UTRN: variants seen among roughly 807,000 people sequenced by gnomAD.
UTRN encodes the protein dystrophin-related protein 1.
UTRN carries 283 observed loss-of-function variants against 463.9 expected under a neutral mutation model. The observed-to-expected ratio is 0.61, with a 90% confidence interval of 0.55 to 0.67. The LOEUF is 0.67. Ranked by LOEUF, UTRN falls within the 30% of genes least tolerant of loss-of-function variation. The pLI is 0.00. For missense variants in UTRN, 3,922 were observed against 4,084.3 expected (o/e 0.96, Z 1.08); for synonymous variants, 1,442 against 1,431.5 (o/e 1.01, Z -0.17).
chr6:144,607,287 A>T (rs1804957369), intron 51 of UTRN, among the ~76,000 whole-genome samples: 1 of 152,144 alleles, frequency 6.6e-6, no homozygotes, highest in African/African-American at 2.4e-5. Context: ...TGTGAAAGTG[A>T]TTTCTGTGGC....
chr6:144,293,293 G>A (rs1253368528), intron 2 of UTRN, among the ~76,000 whole-genome samples: 2 of 152,078 alleles, frequency 1.3e-5, no homozygotes, highest in South Asian at 2.1e-4. Context: ...TTCTGAGTCA[G>A]CCTTCATTCT....
At chr6:144,773,662 T>C (rs1397208911) in intron 59 of UTRN, among the ~76,000 whole-genome samples, 2 of 152,210 alleles carry the variant, frequency 1.3e-5, no homozygotes, top group African/African-American at 4.8e-5. Flanking sequence ...CTGCATTGAA[T>C]TGTGATTGGA....
intron 23 of UTRN, among the ~76,000 whole-genome samples, chr6:144,465,525 C>T (rs1178853396): frequency 6.6e-6 from 1 of 152,086 alleles, no homozygotes; most frequent in African/African-American, 2.4e-5. Context: ...TTTTTATTTG[C>T]TTCTTGTGTA....
At chr6:144,289,523 T>C (rs1364023310) in intron 1 of UTRN, among the ~76,000 whole-genome samples, 1 of 152,198 alleles carries the variant, frequency 6.6e-6, no homozygotes, top group African/African-American at 2.4e-5. Context: ...GGTCTCACCA[T>C]GTTGCCTAGG....
At chr6:144,430,169 A>G (rs1785669692) in intron 9 of UTRN, among the ~76,000 whole-genome samples, 1 of 152,160 alleles carries the variant, frequency 6.6e-6, no homozygotes, top group African/African-American at 2.4e-5. Context: ...ATATCTCACA[A>G]GGGCTATCAA....
chr6:144,404,938 T>C (rs1783252249), intron 3 of UTRN, among the ~76,000 whole-genome samples: 1 of 152,218 alleles, frequency 6.6e-6, no homozygotes, highest in African/African-American at 2.4e-5. Flanking sequence ...ATTTATAATG[T>C]CTATTATTTT....
At chr6:144,500,597 A>G (rs1488205339) in intron 34 of UTRN, among the ~76,000 whole-genome samples, 2 of 152,186 alleles carry the variant, frequency 1.3e-5, no homozygotes, top group Non-Finnish European at 2.9e-5. Context: ...AATCAATGAC[A>G]CATATTTACA....
chr6:144,537,269 G>T (rs1797622561), intron 43 of UTRN, among the ~76,000 whole-genome samples: 1 of 151,890 alleles, frequency 6.6e-6, no homozygotes, highest in African/African-American at 2.4e-5. Context: ...CCATTATGTT[G>T]CGGAGTGGTA....
At chr6:144,787,111 A>G (rs137970047) in intron 61 of UTRN, among the ~76,000 whole-genome samples, 1 of 152,270 alleles carries the variant, frequency 6.6e-6, no homozygotes, top group African/African-American at 2.4e-5. Flanking sequence ...GGATCACTTT[A>G]TCCTTAGCCA....
At chr6:144,340,593 T>A (rs1777069186) in intron 2 of UTRN, among the ~76,000 whole-genome samples, 1 of 152,222 alleles carries the variant, frequency 6.6e-6, no homozygotes, top group African/African-American at 2.4e-5. Flanking sequence ...CCTTTTTTGA[T>A]GAGAGTAGAC....
chr6:144,527,911 G>A (rs769429998), intron 41 of UTRN, among the ~76,000 whole-genome samples: 5 of 151,948 alleles, frequency 3.3e-5, no homozygotes, highest in Non-Finnish European at 5.9e-5. Context: ...ATTTCTTTAA[G>A]TTGGACTTCA....
At chr6:144,387,788 T>C (rs979535765) in intron 2 of UTRN, among the ~76,000 whole-genome samples, 1 of 152,186 alleles carries the variant, frequency 6.6e-6, no homozygotes, top group Admixed American at 6.5e-5. Flanking sequence ...ATTTGGGAGC[T>C]TTTTTTGTTT....
intron 2 of UTRN, among the ~76,000 whole-genome samples, chr6:144,323,789 T>C (rs1476998461): frequency 1.3e-5 from 2 of 152,222 alleles, no homozygotes; most frequent in African/African-American, 2.4e-5. Flanking sequence ...TGTGTCCTTT[T>C]AAACCAAGTA....
intron 53 of UTRN, among the ~76,000 whole-genome samples, chr6:144,706,391 G>A (rs1246568767): frequency 6.6e-6 from 1 of 152,008 alleles, no homozygotes; most frequent in Non-Finnish European, 1.5e-5. Context: ...ATTTACGGTA[G>A]AGGAACATGA....
In UTRN at chr6:144,322,145, A is replaced by G. The variant is rs112369035; in HGVS notation, c.79+30238A>G. 4.5e-3 allele frequency among the ~76,000 whole-genome samples: 691 copies of G among 152,320 alleles called. 5 individuals carry two copies. The highest frequency in any genetic ancestry group is 0.015 in the African/African-American group (622 of 41,560). ...ATGATAATTAAATAATTACCACAAT[A>G]TGCCCAAAGTTATTTTATTACAAGC... On this transcript the variant is annotated intron_variant, in intron 2 of 74. Coordinates refer to ENST00000367545, the MANE Select transcript of UTRN (RefSeq NM_007124.3).
intron 39 of UTRN, among the ~76,000 whole-genome samples, chr6:144,518,943 C>T (rs1795858755): frequency 6.6e-6 from 1 of 152,060 alleles, no homozygotes; most frequent in Admixed American, 6.6e-5. Context: ...AATCTAATTC[C>T]TGAAACAGGT....
chr6:144,622,695 G>A (rs1466423868), intron 51 of UTRN, among the ~76,000 whole-genome samples: 1 of 152,066 alleles, frequency 6.6e-6, no homozygotes, highest in Non-Finnish European at 1.5e-5. Context: ...CTTATCCAAG[G>A]GGAAATAAAG....
intron 58 of UTRN, among the ~76,000 whole-genome samples, chr6:144,761,462 C>T (rs184153919): frequency 1.4e-4 from 21 of 152,014 alleles, no homozygotes; most frequent in Admixed American, 1.3e-3. Context: ...CAAGACCAGC[C>T]TGAGCAACAT....
At chr6:144,534,641 T>C (rs1430310071) in intron 43 of UTRN, among the ~76,000 whole-genome samples, 1 of 152,232 alleles carries the variant, frequency 6.6e-6, no homozygotes, top group Non-Finnish European at 1.5e-5. Context: ...ATTTTGCCAA[T>C]GATTGATTAA....
Sources: allele counts gnomAD v4.1 joint callset (sites outside exome capture counted in the v4.1 genomes callset), GRCh38; gene constraint gnomAD v4.1.1; transcripts MANE v1.5; gene names NCBI Gene and HGNC (gene_info 2026-07-23, HGNC 2026-07-21).